Variants in EXT1 observed in about 807,000 individuals in gnomAD.
EXT1 encodes exostosin-1.
Under a neutral mutation model 82.5 loss-of-function variants are expected in EXT1, and 20 were observed. The ratio of observed to expected loss-of-function variants is 0.24; its 90% CI spans 0.17 to 0.35. The LOEUF is 0.35. Among genes scored for constraint, EXT1 ranks in the 10% least tolerant of loss-of-function variants. The probability of loss-of-function intolerance (pLI) is 1.00; values close to 1 mark genes in which losing one functional copy is unlikely to be tolerated. For synonymous variants in EXT1, 348 were observed against 350.8 expected (o/e 0.99, Z 0.09); for missense variants, 757 against 936.5 (o/e 0.81, Z 2.50).
intron 1 of EXT1, among the ~76,000 whole-genome samples, chr8:117,993,934 A>G (rs1427141790): frequency 6.6e-6 from 1 of 152,224 alleles, no homozygotes; most frequent in Non-Finnish European, 1.5e-5. Context: ...CCAATGGCCA[A>G]TGGCTTCTTT....
At chr8:118,009,163 G>C (rs1035504153) in intron 1 of EXT1, among the ~76,000 whole-genome samples, 2 of 152,172 alleles carry the variant, frequency 1.3e-5, no homozygotes, top group Non-Finnish European at 2.9e-5. Context: ...TGAGAAGTCT[G>C]TGAGTCCTAT....
chr8:117,914,628 G>A (rs1301269335), intron 1 of EXT1, among the ~76,000 whole-genome samples: 1 of 152,074 alleles, frequency 6.6e-6, no homozygotes, highest in Non-Finnish European at 1.5e-5. Context: ...TCTATAAACG[G>A]CCGCTCTGGG....
intron 1 of EXT1, among the ~76,000 whole-genome samples, chr8:118,086,419 A>G (rs1054314893): frequency 1.1e-4 from 16 of 152,352 alleles, no homozygotes; most frequent in Non-Finnish European, 2.1e-4. Flanking sequence ...CCTTCCACAC[A>G]TAAAGGAAAT....
At chr8:118,103,068 G>A (rs964609972) in intron 1 of EXT1, among the ~76,000 whole-genome samples, 2 of 152,154 alleles carry the variant, frequency 1.3e-5, no homozygotes, top group Admixed American at 6.5e-5. Context: ...CAGGAGAATC[G>A]CTTGAATCCG....
At chr8:118,048,130 G>T (rs977759175) in intron 1 of EXT1, among the ~76,000 whole-genome samples, 1 of 152,010 alleles carries the variant, frequency 6.6e-6, no homozygotes, top group South Asian at 2.1e-4. Context: ...TTCCTACATA[G>T]GGCAAGTCAA....
intron 1 of EXT1, among the ~76,000 whole-genome samples, chr8:117,942,268 T>C (rs1814297967): frequency 1.3e-5 from 2 of 152,202 alleles, no homozygotes; most frequent in South Asian, 2.1e-4. Flanking sequence ...GCACCACCTA[T>C]ATACTACATA....
At chr8:118,031,457 G>A (rs1191460027) in intron 1 of EXT1, among the ~76,000 whole-genome samples, 6 of 151,944 alleles carry the variant, frequency 3.9e-5, no homozygotes, top group Admixed American at 2.6e-4. Flanking sequence ...CCTGCAAGGC[G>A]GAGGTTGCAG....
At chr8:117,820,887 T>C (rs1305725336) in intron 5 of EXT1, among the ~76,000 whole-genome samples, 7 of 152,140 alleles carry the variant, frequency 4.6e-5, no homozygotes. Context: ...AAAAAGTATG[T>C]GAGGCAGACT....
intron 1 of EXT1, among the ~76,000 whole-genome samples, chr8:118,054,424 G>A (rs763577141): frequency 2.0e-5 from 3 of 152,164 alleles, no homozygotes; most frequent in African/African-American, 7.2e-5. Context: ...TGCCTGAGAA[G>A]GCCAGTCCAC....
chr8:118,020,988 T>C (rs1336119988), intron 1 of EXT1, among the ~76,000 whole-genome samples: 1 of 152,248 alleles, frequency 6.6e-6, no homozygotes, highest in Non-Finnish European at 1.5e-5. Context: ...AATGATAAAC[T>C]GCTTTACATT....
chr8:118,019,488 T>G (rs1369006538), intron 1 of EXT1, among the ~76,000 whole-genome samples: 2 of 152,208 alleles, frequency 1.3e-5, no homozygotes, highest in Non-Finnish European at 2.9e-5. Context: ...AACTCAGCAC[T>G]AAACAGTGAG....
At chr8:117,846,305 A>G (rs998768045) in intron 1 of EXT1, among the ~76,000 whole-genome samples, 1 of 151,722 alleles carries the variant, frequency 6.6e-6, no homozygotes, top group Non-Finnish European at 1.5e-5. Context: ...ATGGGGTTTC[A>G]TCATGTTGGT....
chr8:117,924,028 C>CT (rs1488404202), intron 1 of EXT1, among the ~76,000 whole-genome samples: 1 of 152,220 alleles, frequency 6.6e-6, no homozygotes, highest in Non-Finnish European at 1.5e-5. Flanking sequence ...CTCTGTCTGG[C>CT]TAGTAGACTC....
intron 4 of EXT1, among the ~76,000 whole-genome samples, chr8:117,825,178 G>A: frequency 6.6e-6 from 1 of 152,136 alleles, no homozygotes; most frequent in Non-Finnish European, 1.5e-5. Context: ...GACCAGAATT[G>A]ATTCTGTAGG....
intron 1 of EXT1, among the ~76,000 whole-genome samples, chr8:118,039,594 G>A (rs1816491681): frequency 6.7e-6 from 1 of 149,488 alleles, no homozygotes; most frequent in African/African-American, 2.5e-5. Context: ...AGATCCAGAA[G>A]GTACAATGAA....
At chr8:118,099,038 A>C (rs922039782) in intron 1 of EXT1, among the ~76,000 whole-genome samples, 1 of 152,350 alleles carries the variant, frequency 6.6e-6, no homozygotes, top group African/African-American at 2.4e-5. Context: ...AAAAGTTATA[A>C]AACACATTAC....
rs7845608 is a variant in EXT1 at position 118,075,677 on chromosome 8, T to C, written c.962+34408A>G. ...AAAGAGGTTTAATTGGCCATGGTTC[T>C]GCAGGCTGTACAGGAAGCATGGCAG... is the stretch of plus-strand genomic sequence containing the variant. On this transcript the variant is annotated intron_variant, in intron 1 of 10. Transcript: ENST00000378204. 4.6e-3 allele frequency among the ~76,000 whole-genome samples: 701 copies of C among 152,312 alleles called. 7 individuals carry two copies. The highest frequency in any genetic ancestry group is 0.015 in the African/African-American group (619 of 41,554).
In EXT1 at chr8:117,910,269, G is replaced by A. The variant is rs372661701; in HGVS notation, c.963-73068C>T. 2.6e-4 allele frequency among the ~76,000 whole-genome samples: 39 copies of A among 152,304 alleles called. No homozygotes were observed. The East Asian group carries it at 3.3e-3, about 13-fold the overall frequency. ...GCATAGGAGGTCAAAGGGGGCTGCT[G>A]ATGATGAAGAAACCGGGCTGCCAGG... On this transcript the variant is annotated intron_variant, in intron 1 of 10. Coordinates refer to ENST00000378204, the MANE Select transcript of EXT1 (RefSeq NM_000127.3).
chr8:118,012,644 C>T (rs969756907), intron 1 of EXT1, among the ~76,000 whole-genome samples: 1 of 152,238 alleles, frequency 6.6e-6, no homozygotes, highest in African/African-American at 2.4e-5. Context: ...GGGCTGTGCA[C>T]ATCACATCTC....
Sources: allele counts gnomAD v4.1 joint callset (sites outside exome capture counted in the v4.1 genomes callset), GRCh38; gene constraint gnomAD v4.1.1; transcripts MANE v1.5; gene names NCBI Gene and HGNC (gene_info 2026-07-23, HGNC 2026-07-21).